The following MIR2052HG variants were observed in gnomAD, a reference collection of about 807,000 sequenced individuals.
MIR2052HG encodes MIR2052 host gene.
At chr8:74,630,010 G>A (rs1183943070) in intron 2 of MIR2052HG, among the ~76,000 whole-genome samples, 2 of 152,094 alleles carry the variant, frequency 1.3e-5, no homozygotes, top group Non-Finnish European at 2.9e-5. Context: ...GACTGAAGAA[G>A]GAGAAAACAT....
At chr8:74,643,183 G>A (rs576734271) in intron 2 of MIR2052HG, among the ~76,000 whole-genome samples, 1 of 152,238 alleles carries the variant, frequency 6.6e-6, no homozygotes, top group African/African-American at 2.4e-5. Context: ...TCCCAACCTG[G>A]TTGCCTTCAA....
intron 1 of MIR2052HG, among the ~76,000 whole-genome samples, chr8:74,607,456 A>T (rs1808128504): frequency 6.6e-6 from 1 of 152,108 alleles, no homozygotes; most frequent in South Asian, 2.1e-4. Flanking sequence ...TACTAAAAAT[A>T]CAAAAATTAG....
intron 2 of MIR2052HG, among the ~76,000 whole-genome samples, chr8:74,657,463 C>T (rs570890614): frequency 5.0e-4 from 76 of 152,290 alleles, no homozygotes; most frequent in Middle Eastern, 6.8e-3. Flanking sequence ...GGACTGGCAG[C>T]ATCAGCACTG....
At chr8:74,738,133 G>GTATGTATGTATGTATC (rs1554578693) in intron 4 of MIR2052HG, among the ~76,000 whole-genome samples, 3 of 149,512 alleles carry the variant, frequency 2.0e-5, no homozygotes, top group African/African-American at 7.5e-5. Context: ...ATGTATGTAT[G>GTATGTATGTATGTATC]TATCTATCTA....
chr8:74,757,726 G>A (rs760657994), intron 5 of MIR2052HG: 1 of 152,138 alleles, frequency 6.6e-6, no homozygotes, highest in Non-Finnish European at 1.5e-5. Flanking sequence ...CTGAGAAAGA[G>A]CTGATATACA....
chr8:74,613,488 A>AT (rs1001202240), intron 2 of MIR2052HG, among the ~76,000 whole-genome samples: 9 of 150,594 alleles, frequency 6.0e-5, no homozygotes, highest in African/African-American at 2.0e-4. Flanking sequence ...GCAGGGATTC[A>AT]TTTTTTTTTC....
chr8:74,750,004 A>T (rs1188572440), intron 4 of MIR2052HG, among the ~76,000 whole-genome samples: 1 of 152,210 alleles, frequency 6.6e-6, no homozygotes, highest in Admixed American at 6.5e-5. Flanking sequence ...GAAGCCAGTT[A>T]CATTTCTTTT....
At chr8:74,746,998 G>C (rs1236962611) in intron 4 of MIR2052HG, among the ~76,000 whole-genome samples, 1 of 152,062 alleles carries the variant, frequency 6.6e-6, no homozygotes, top group Non-Finnish European at 1.5e-5. Context: ...TAGGAAAAAA[G>C]CTACCAAAGA....
chr8:74,628,214 T>C (rs570625318), intron 2 of MIR2052HG, among the ~76,000 whole-genome samples: 91 of 152,246 alleles, frequency 6.0e-4, no homozygotes, highest in East Asian at 1.3e-3. Context: ...GGAAGCATAA[T>C]ACCAAAGGAA....
chr8:74,739,575 G>A (rs1308167734), intron 4 of MIR2052HG, among the ~76,000 whole-genome samples: 2 of 151,994 alleles, frequency 1.3e-5, no homozygotes, highest in African/African-American at 2.4e-5. Flanking sequence ...AGAATGCAAA[G>A]GTCATGTAAA....
At chr8:74,616,122 A>G (rs977833144) in intron 2 of MIR2052HG, among the ~76,000 whole-genome samples, 1 of 152,112 alleles carries the variant, frequency 6.6e-6, no homozygotes, top group African/African-American at 2.4e-5. Flanking sequence ...CTTTGGGTAT[A>G]TACCCAGTAA....
chr8:74,604,583 C>CTT (rs35641908), intron 1 of MIR2052HG, among the ~76,000 whole-genome samples: 963 of 50,032 alleles, frequency 0.019, 191 homozygotes, highest in African/African-American at 0.063. Context: ...TGTTTCTTTA[C>CTT]TTTTTTTTTT....
At chr8:74,732,596 C>T (rs1018708483) in intron 4 of MIR2052HG, among the ~76,000 whole-genome samples, 2 of 151,992 alleles carry the variant, frequency 1.3e-5, no homozygotes, top group Non-Finnish European at 2.9e-5. Flanking sequence ...TAATATAATG[C>T]TCAGTAAAAA....
At chr8:74,701,140 G>A (rs1809353542) in intron 2 of MIR2052HG, among the ~76,000 whole-genome samples, 1 of 152,120 alleles carries the variant, frequency 6.6e-6, no homozygotes, top group Non-Finnish European at 1.5e-5. Flanking sequence ...TGAAAGGAGT[G>A]AAGTTTGATG....
intron 1 of MIR2052HG, chr8:74,609,575 A>T (rs1315213675): frequency 6.6e-6 from 1 of 151,848 alleles, no homozygotes; most frequent in Admixed American, 6.6e-5. Context: ...AGTTAACAAC[A>T]TATAACAGTG....
intron 2 of MIR2052HG, among the ~76,000 whole-genome samples, chr8:74,621,327 T>G (rs1156346081): frequency 6.6e-6 from 1 of 152,218 alleles, no homozygotes; most frequent in Non-Finnish European, 1.5e-5. Context: ...TGCTTCCACA[T>G]TTTCACATAT....
intron 4 of MIR2052HG, among the ~76,000 whole-genome samples, chr8:74,748,159 T>C (rs1301451521): frequency 1.3e-5 from 2 of 152,164 alleles, no homozygotes; most frequent in Non-Finnish European, 1.5e-5. Context: ...CGCTGAAGGA[T>C]TGGAATACAA....
chr8:74,608,268 G>C (rs997161731), intron 1 of MIR2052HG, among the ~76,000 whole-genome samples: 1 of 152,046 alleles, frequency 6.6e-6, no homozygotes. Flanking sequence ...GATGTAAAAG[G>C]TTATAATTGC....
rs1007902329 is a variant in MIR2052HG, at chr8:74,721,384, T to A, written n.371+17702T>A. On this transcript the variant is annotated intron_variant and non_coding_transcript_variant, in intron 4 of 6. Transcript: ENST00000523442. ...CTTAATGTGCTCAAATAAGAATGAT[T>A]TATTTGCTCATGTTTTTATGAGTCA... 3.9e-5 allele frequency among the ~76,000 whole-genome samples: 6 copies of A among 152,224 alleles called. No homozygotes were observed. The South Asian group carries it at 1.2e-3, about 32-fold the overall frequency.
Sources: allele counts gnomAD v4.1 joint callset (sites outside exome capture counted in the v4.1 genomes callset), GRCh38; gene constraint gnomAD v4.1.1; transcripts MANE v1.5; gene names NCBI Gene and HGNC (gene_info 2026-07-23, HGNC 2026-07-21).